MYL6B: variants seen among roughly 807,000 people sequenced by gnomAD.
MYL6B encodes myosin light chain 6B.
Under a neutral mutation model 24.5 loss-of-function variants are expected in MYL6B, and 19 were observed. The ratio of observed to expected loss-of-function variants is 0.78; its 90% CI spans 0.54 to 1.14. The LOEUF is 1.14. Among genes scored for constraint, MYL6B ranks in the 50% most tolerant of loss-of-function variants. The pLI is 0.00. For missense variants in MYL6B, 230 were observed against 263.8 expected (o/e 0.87, Z 0.89); for synonymous variants, 90 against 100.7 (o/e 0.89, Z 0.64).
At chr12:56,155,457 C>T in exon 5 of MYL6B, 1 of 1,614,150 alleles carries the variant, frequency 6.2e-7, no homozygotes, top group Non-Finnish European at 8.5e-7. Context: ...GACTTTCCTG[C>T]CCATGCTCCA....
At chr12:56,155,657 G>A (rs1871279685) in intron 5 of MYL6B, 65 bp downstream of exon 5, 5 of 1,609,450 alleles carry the variant, frequency 3.1e-6, no homozygotes, top group Non-Finnish European at 2.5e-6. Flanking sequence ...GGGCCAGAAA[G>A]ACTGGACAGA....
exon 4 of MYL6B, chr12:56,155,138 C>T (rs1871257864): frequency 6.2e-7 from 1 of 1,614,092 alleles, no homozygotes; most frequent in Non-Finnish European, 8.5e-7. Flanking sequence ...GATGAGGGCC[C>T]TGGGCCAGAA....
chr12:56,155,862 G>A, intron 5 of MYL6B: 1 of 1,342,132 alleles, frequency 7.5e-7, no homozygotes, highest in Non-Finnish European at 9.6e-7. Flanking sequence ...GTGTGTTCTG[G>A]TACAAGTCTC....
chr12:56,153,774 G>T, intron 1 of MYL6B, 99 bp from the exon 2 acceptor site: 7 of 804,810 alleles, frequency 8.7e-6, no homozygotes. Flanking sequence ...GAGGGCAGGC[G>T]GTTATATCTC....
chr12:56,156,126 T>A, intron 5 of MYL6B: 1 of 560,140 alleles, frequency 1.8e-6, no homozygotes, highest in Non-Finnish European at 2.3e-6. Flanking sequence ...GCCAACATGG[T>A]AAAACCCCAT....
exon 4 of MYL6B, chr12:56,155,189 A>G (rs1592256451): frequency 6.2e-7 from 1 of 1,602,972 alleles, no homozygotes; most frequent in Non-Finnish European, 8.5e-7. Context: ...GGGGAACCCC[A>G]AGAGTGATGG....
chr12:56,157,209 A>G (rs1481847278), intron 5 of MYL6B: 1 of 434,018 alleles, frequency 2.3e-6, no homozygotes, highest in Non-Finnish European at 4.3e-6. Context: ...AGCCTGCCCA[A>G]CATGGCGAAA....
At chr12:56,153,049 G>A (rs555830823) in intron 1 of MYL6B, among the ~76,000 whole-genome samples, 1 of 152,138 alleles carries the variant, frequency 6.6e-6, no homozygotes, top group Admixed American at 6.5e-5. Flanking sequence ...TTGGATTAGG[G>A]AATTTAAGCC....
intron 5 of MYL6B, 104 bp from the exon 6 acceptor site, chr12:56,157,364 G>A (rs1871363461): frequency 9.0e-7 from 1 of 1,107,398 alleles, no homozygotes; most frequent in African/African-American, 1.6e-5. Context: ...ACTCCAGCCT[G>A]AGCGACAGGA....
exon 7 of MYL6B, chr12:56,157,892 G>A: frequency 1.3e-6 from 1 of 745,958 alleles, no homozygotes; most frequent in Non-Finnish European, 2.1e-6. Context: ...ATCCAGTGGG[G>A]TCCGGACACT....
intron 5 of MYL6B, chr12:56,155,949 C>T (rs1247026135): frequency 2.5e-5 from 30 of 1,191,690 alleles, no homozygotes; most frequent in Non-Finnish European, 3.1e-5. Flanking sequence ...AAGAGGCATC[C>T]ATGACCAGGG....
In MYL6B at chr12:56,155,501, T is replaced by G; in HGVS notation, c.429T>G (p.Tyr143Ter). Residue 143 changes from tyrosine (Y) to a stop codon, truncating the protein, a stop_gained, in exon 5 of 7, where the codon TAT (tyrosine) becomes TAG (stop). Coordinates refer to ENST00000553066, the Ensembl canonical transcript of MYL6B. LOFTEE classifies it high-confidence loss of function. ...CCAAGAACCGAGGCCAAGGCACATA[T>G]GAGGACTACTTGGAGGGGTTTCGTG... The G allele has an allele frequency of 2.5e-6, 4 of 1,613,898 alleles. No individual in the cohort carries two copies. The highest frequency in any genetic ancestry group is 3.4e-6 in the Non-Finnish European group (4 of 1,179,918).
chr12:56,155,977 C>A, intron 5 of MYL6B: 1 of 1,179,846 alleles, frequency 8.5e-7, no homozygotes, highest in Middle Eastern at 3.9e-4. Flanking sequence ...CCCTTGAGGA[C>A]TGAGGCTATG....
chr12:56,155,089 G>T (rs754004974), exon 4 of MYL6B: 10 of 1,613,856 alleles, frequency 6.2e-6, no homozygotes, highest in South Asian at 3.3e-5. Context: ...TTGACCGAGT[G>T]GGGGATGGCA....
chr12:56,155,639 GA>G, intron 5 of MYL6B, 47 bp downstream of exon 5: 1 of 1,611,312 alleles, frequency 6.2e-7, no homozygotes, highest in Non-Finnish European at 8.5e-7. Context: ...TGGAGAGGGG[GA>G]TGGGGTGGGC....
intron 1 of MYL6B, among the ~76,000 whole-genome samples, chr12:56,153,262 A>C (rs1462916125): frequency 6.6e-6 from 1 of 152,080 alleles, no homozygotes; most frequent in Non-Finnish European, 1.5e-5. Flanking sequence ...ACAATGAGGG[A>C]TGTCATACTC....
intron 1 of MYL6B, chr12:56,153,561 G>A: frequency 2.5e-6 from 2 of 806,008 alleles, no homozygotes; most frequent in Non-Finnish European, 3.0e-6. Context: ...CACCTGCTTT[G>A]CCTCACCACC....
chr12:56,155,431 G>C, exon 5 of MYL6B: 2 of 1,614,176 alleles, frequency 1.2e-6, no homozygotes, highest in African/African-American at 1.3e-5. Flanking sequence ...CTGAAGTCGC[G>C]GCGTGTGGAC....
At chr12:56,155,011 G>C in intron 3 of MYL6B, 44 bp from the exon 4 acceptor site, 3 of 1,574,704 alleles carry the variant, frequency 1.9e-6, no homozygotes, top group Non-Finnish European at 2.6e-6. Context: ...GGGGGTGATG[G>C]GAACCCTAGT....
Sources: allele counts gnomAD v4.1 joint callset (sites outside exome capture counted in the v4.1 genomes callset), GRCh38; gene constraint gnomAD v4.1.1; transcripts MANE v1.5; gene names NCBI Gene and HGNC (gene_info 2026-07-23, HGNC 2026-07-21).